IL7: variants seen among roughly 807,000 people sequenced by gnomAD.
IL7 encodes the protein interleukin-7.
A neutral mutation model predicts 21.6 loss-of-function variants in IL7; 3 were observed. The ratio of observed to expected loss-of-function variants is 0.14; its 90% CI spans 0.06 to 0.36. The LOEUF (loss-of-function observed/expected upper bound fraction) is 0.36, where lower values mean the gene tolerates loss of function less well. Ranked by LOEUF, IL7 falls within the 10% of genes least tolerant of loss-of-function variation. The pLI, the probability that IL7 is intolerant of heterozygous loss-of-function variation, is 1.00. For synonymous variants in IL7, 62 were observed against 68.1 expected, an observed-to-expected ratio of 0.91 and a Z score of 0.44; for missense variants, 175 against 200.2, an observed-to-expected ratio of 0.87 and a Z score of 0.76.
chr8:78,740,234 G>A (rs960465275), intron 2 of IL7, 152 bp from the exon 3 acceptor site: 1 of 378,518 alleles, frequency 2.6e-6, no homozygotes, highest in Admixed American at 5.0e-5. Flanking sequence ...TAAGCATGAG[G>A]AATCATTTTC....
At chr8:78,770,237 G>T (rs1048804418) in intron 2 of IL7, among the ~76,000 whole-genome samples, 8 of 152,116 alleles carry the variant, frequency 5.3e-5, no homozygotes, top group African/African-American at 1.9e-4. Flanking sequence ...TGGCCTATCT[G>T]TGTCTTTATT....
chr8:78,680,251 C>CAGT (rs1809728939), intron 4 of IL7, among the ~76,000 whole-genome samples: 5 of 130,910 alleles, frequency 3.8e-5, no homozygotes, highest in Non-Finnish European at 6.2e-5. Context: ...GTACAGTCCG[C>CAGT]AGTCCGGCCT....
At chr8:78,761,282 C>T in intron 2 of IL7, 1 of 1,609,724 alleles carries the variant, frequency 6.2e-7, no homozygotes, top group Non-Finnish European at 8.5e-7. Context: ...CTCGATTGTT[C>T]CTAATGCAAC....
intron 2 of IL7, among the ~76,000 whole-genome samples, chr8:78,794,981 A>G (rs1173622762): frequency 6.6e-6 from 1 of 152,096 alleles, no homozygotes; most frequent in East Asian, 1.9e-4. Context: ...GATTGAATAA[A>G]CTATCACAGA....
chr8:78,700,961 C>T (rs1289764852), intron 3 of IL7, among the ~76,000 whole-genome samples: 1 of 152,074 alleles, frequency 6.6e-6, no homozygotes, highest in South Asian at 2.1e-4. Context: ...CTTAGAATTA[C>T]CTTGGCTAGT....
rs570620824 is a variant in IL7 at position 78,759,573 on chromosome 8, C to A, written c.148-19491G>T. Among the ~76,000 whole-genome samples the A allele has an allele frequency of 5.9e-5, 9 of 152,276 alleles. No individual in the cohort carries two copies. The South Asian group carries it at 1.9e-3, about 32-fold the overall frequency. On this transcript the variant is annotated intron_variant, in intron 2 of 5. Transcript: ENST00000263851. ...ACAGCAATGAGATGTGGAACAACAGCAGGCTTTTCCATTCAAACTTTGTCA... is the reference window on the plus strand; with the variant it reads ...ACAGCAATGAGATGTGGAACAACAGAAGGCTTTTCCATTCAAACTTTGTCA...
chr8:78,736,231 A>G (rs1431575546), intron 5 of IL7, among the ~76,000 whole-genome samples: 4 of 62,694 alleles, frequency 6.4e-5, no homozygotes, highest in Non-Finnish European at 1.1e-4. Context: ...TGCTTCTTCT[A>G]AAAAAAAAAA....
chr8:78,760,757 C>A, intron 2 of IL7: 3 of 1,545,480 alleles, frequency 1.9e-6, no homozygotes, highest in Non-Finnish European at 1.7e-6. Context: ...GTGAGCTCTG[C>A]GGAATTTCCC....
chr8:78,777,677 A>G (rs1016581146), intron 2 of IL7, among the ~76,000 whole-genome samples: 1 of 152,120 alleles, frequency 6.6e-6, no homozygotes, highest in African/African-American at 2.4e-5. Flanking sequence ...CCAAACTTTC[A>G]GAGGACATCA....
intron 2 of IL7, among the ~76,000 whole-genome samples, chr8:78,741,579 C>T (rs1302659504): frequency 6.6e-6 from 1 of 152,172 alleles, no homozygotes; most frequent in Admixed American, 6.5e-5. Context: ...AATTGCATGA[C>T]ACATGAATAT....
intron 1 of IL7, among the ~76,000 whole-genome samples, chr8:78,798,854 C>A (rs1813956873): frequency 6.6e-6 from 1 of 152,116 alleles, no homozygotes; most frequent in Non-Finnish European, 1.5e-5. Context: ...GACCCAGATT[C>A]TTTTCAAACA....
chr8:78,769,322 C>T (rs958901181), intron 2 of IL7, among the ~76,000 whole-genome samples: 1 of 152,092 alleles, frequency 6.6e-6, no homozygotes, highest in Non-Finnish European at 1.5e-5. Context: ...AGCTGATAGG[C>T]AACTTCAGCA....
intron 3 of IL7, among the ~76,000 whole-genome samples, chr8:78,700,357 G>C (rs751405434): frequency 2.6e-5 from 4 of 151,492 alleles, no homozygotes; most frequent in Admixed American, 1.3e-4. Flanking sequence ...TTGTAAGTTT[G>C]TTTTTTTCTT....
intron 2 of IL7, among the ~76,000 whole-genome samples, chr8:78,740,698 T>C (rs1246531996): frequency 6.6e-6 from 1 of 152,238 alleles, no homozygotes; most frequent in African/African-American, 2.4e-5. Flanking sequence ...TAAAACCATC[T>C]GCATTAGTAC....
intron 2 of IL7, chr8:78,760,234 C>A (rs1812503648): frequency 1.9e-6 from 3 of 1,602,512 alleles, no homozygotes; most frequent in East Asian, 2.2e-5. Flanking sequence ...AAATCCAGGT[C>A]GTGTTTTATA....
At chr8:78,705,350 G>A (rs1305841887) in intron 3 of IL7, among the ~76,000 whole-genome samples, 1 of 152,082 alleles carries the variant, frequency 6.6e-6, no homozygotes, top group Non-Finnish European at 1.5e-5. Flanking sequence ...GTGTATGCTG[G>A]GTGTCCACTC....
At chr8:78,711,385 T>C (rs967038691) in intron 3 of IL7, among the ~76,000 whole-genome samples, 30 of 152,196 alleles carry the variant, frequency 2.0e-4, no homozygotes, top group African/African-American at 6.7e-4. Context: ...TGTGTGTATA[T>C]ATAGGCCCCT....
chr8:78,698,294 A>G (rs982924464), intron 3 of IL7: 12 of 790,802 alleles, frequency 1.5e-5, no homozygotes, highest in Admixed American at 3.1e-5. Flanking sequence ...AATGTCTTCA[A>G]TGAAAACTTG....
chr8:78,743,987 T>C (rs1448731802), intron 2 of IL7, among the ~76,000 whole-genome samples: 1 of 152,118 alleles, frequency 6.6e-6, no homozygotes, highest in Non-Finnish European at 1.5e-5. Context: ...GGTATGAACC[T>C]GTTGCCAGGT....
Sources: allele counts gnomAD v4.1 joint callset (sites outside exome capture counted in the v4.1 genomes callset), GRCh38; gene constraint gnomAD v4.1.1; transcripts MANE v1.5; gene names NCBI Gene and HGNC (gene_info 2026-07-23, HGNC 2026-07-21).